PODXL2: variants seen among roughly 807,000 people sequenced by gnomAD.
The protein encoded by PODXL2 is podocalyxin-like protein 2.
In PODXL2, 17 loss-of-function variants were observed where a neutral mutation model predicts 53.4. The observed-to-expected ratio is 0.32, with a 90% CI of 0.22 to 0.48. The LOEUF is 0.48. PODXL2 is among the 20% of genes least tolerant of loss of function. The pLI, the probability that PODXL2 is intolerant of heterozygous loss-of-function variation, is 0.99. For synonymous variants in PODXL2, 311 were observed against 306.7 expected (o/e 1.01, Z -0.15); for missense variants, 673 against 760.0 (o/e 0.89, Z 1.35).
intron 2 of PODXL2, among the ~76,000 whole-genome samples, chr3:127,640,124 C>T (rs1441532052): frequency 1.3e-5 from 2 of 152,164 alleles, no homozygotes; most frequent in African/African-American, 4.8e-5. Context: ...CGAAGAAAGC[C>T]CGAGGCCTAG....
Position 127,671,554 on chromosome 3 carries a change from A to C in PODXL2, c.1546A>C (p.Ile516Leu), listed in dbSNP as rs145241470. The stretch of plus-strand genomic sequence containing the variant: ...CATTGGGGCCATCTGCATCATCATC[A>C]TTGCGCTTGGCCTGCTCTACAACTG... ...VVIGAICIIIIALGLLYNCWQ... is the reference protein window; with the variant it reads ...VVIGAICIIILALGLLYNCWQ... Residue 516 changes from isoleucine to leucine, a missense_variant, in exon 7 of 8, where the codon ATT becomes CTT. Ile to Leu is a conservative substitution (Grantham distance 5). Coordinates refer to ENST00000342480, the MANE Select transcript of PODXL2 (RefSeq NM_015720.4). The C allele has an allele frequency of 7.4e-6, 12 of 1,613,966 alleles. No individual in the cohort carries two copies. The African/African-American group carries it at 9.3e-5, about 13-fold the overall frequency.
intron 4 of PODXL2, among the ~76,000 whole-genome samples, chr3:127,668,101 CGTGTGTGTGTGTGTGTGTGTGTGT>C (rs55716588): frequency 1.4e-5 from 2 of 145,854 alleles, no homozygotes; most frequent in East Asian, 2.1e-4. Context: ...TACATGGCTG[CGTGTGTGTGTGTGTGTGTGTGTGT>C]GTGTGTGTGT....
At position 127,661,156 on chromosome 3, in the gene PODXL2, G is replaced by T. The variant is rs774038430; in HGVS notation, c.1128G>T (p.Thr376=). 69 of 1,612,418 alleles carry T rather than the reference G, an allele frequency of 4.3e-5. No individual in the cohort carries two copies. The South Asian group carries it at 7.6e-4, about 18-fold the overall frequency. ...AATCCAGGATACCCTGGGATTCTACGCAGGTAAAGTGAGGGGCATGCGGGC... is the reference window on the plus strand; with the variant it reads ...AATCCAGGATACCCTGGGATTCTACTCAGGTAAAGTGAGGGGCATGCGGGC... ...EAQSRIPWDS[T]QVICKDWSNL... The change falls in exon 3 of 8, where the codon ACG becomes ACT. Residue 376 remains threonine, a synonymous_variant. Transcript: ENST00000342480.
chr3:127,644,475 T>C (rs1224672100), intron 2 of PODXL2, among the ~76,000 whole-genome samples: 1 of 152,108 alleles, frequency 6.6e-6, no homozygotes, highest in African/African-American at 2.4e-5. Context: ...CCTTTCCCTT[T>C]TGTTGAGACT....
chr3:127,642,291 G>GAAAAAAAAAA lies in PODXL2; in HGVS notation c.349+2776_349+2785dup, dbSNP rs201417926. Among the ~76,000 whole-genome samples the GAAAAAAAAAA allele has an allele frequency of 2.0e-3, 155 of 77,190 alleles. 6 individuals carry two copies. Among genetic ancestry groups the GAAAAAAAAAA allele is most frequent in the Middle Eastern group, 0.011 (1 of 92 alleles). The allele number at this position is 77,190 out of a possible 152,430, so 50.6% of individuals were successfully genotyped here. A position where few individuals can be genotyped will look rare whatever the true frequency, so the allele number is the denominator to read the frequency against. ...GGGGACAGAGCGAGACTCCATCTCA[G>GAAAAAAAAAA]AAAAAAAAAAAAAAAAAGATGTATC... On this transcript the variant is annotated intron_variant, in intron 2 of 7. Transcript: ENST00000342480.
chr3:127,657,196 T>C (rs2074730797), intron 2 of PODXL2, among the ~76,000 whole-genome samples: 1 of 152,196 alleles, frequency 6.6e-6, no homozygotes, highest in Non-Finnish European at 1.5e-5. Flanking sequence ...GTTCTGTTGG[T>C]GCCCTCTGGA....
In PODXL2 at chr3:127,629,865, C is replaced by G. The variant is rs1419454769; in HGVS notation, c.70+576C>G. On this transcript the variant is annotated intron_variant, in intron 1 of 7. Transcript: ENST00000342480. The surrounding 1 kb of genome is among the most constrained non-coding windows in gnomAD (Gnocchi z 6.4). The stretch of plus-strand genomic sequence containing the variant: ...CTGTTCTGGGCGACTCTATTAGGAG[C>G]TGACAAAAACGGGCGTACAGCCACG... Among the ~76,000 whole-genome samples, 1 of 152,102 alleles carries G rather than the reference C, an allele frequency of 6.6e-6. No homozygotes were observed. Among genetic ancestry groups the G allele is most frequent in the Non-Finnish European group, 1.5e-5 (1 of 68,020 alleles).
chr3:127,662,126 C>A, intron 3 of PODXL2, 111 bp from the exon 4 acceptor site: 2 of 831,486 alleles, frequency 2.4e-6, no homozygotes, highest in Admixed American at 1.9e-5. Context: ...TAATACGCCT[C>A]CACTGGCCTC....
In PODXL2 at chr3:127,630,385, C is replaced by A. The variant is rs140452829; in HGVS notation, c.70+1096C>A. ...GCTGTAACTTCACTTCTGATGCACA[C>A]GTCAAAATAGCGTCCTAGTATGATG... is the stretch of plus-strand genomic sequence containing the variant. On this transcript the variant is annotated intron_variant, in intron 1 of 7. Coordinates refer to ENST00000342480, the MANE Select transcript of PODXL2 (RefSeq NM_015720.4). Among the ~76,000 whole-genome samples the A allele has an allele frequency of 3.0e-3, 457 of 152,304 alleles. 1 individual carries two copies. The highest frequency in any genetic ancestry group is 6.8e-3 in the Middle Eastern group (2 of 294).
rs1232261463 is a variant in PODXL2 at position 127,639,508 on chromosome 3, C to T, written c.334C>T (p.Leu112=). The T allele has an allele frequency of 1.9e-6, 3 of 1,612,568 alleles. No individual in the cohort carries two copies. The South Asian group carries it at 3.3e-5, about 18-fold the overall frequency. The change falls in exon 2 of 8, where the codon CTG becomes TTG. Residue 112 remains leucine (L), a synonymous_variant. Transcript: ENST00000342480. The part of the protein sequence containing the change: ...EEELNDSSLD[L]GPTADYVFPD... ...AGAGCTGAATGACTCAAGTCTGGACCTGGGACCCACTGCAGGTAGCTCTTC... is the reference window on the plus strand; with the variant it reads ...AGAGCTGAATGACTCAAGTCTGGACTTGGGACCCACTGCAGGTAGCTCTTC...
chr3:127,666,132 A>T (rs1159828206), intron 4 of PODXL2, among the ~76,000 whole-genome samples: 1 of 152,230 alleles, frequency 6.6e-6, no homozygotes, highest in African/African-American at 2.4e-5. Context: ...CCACTGGATG[A>T]TGTCCTCCTG....
intron 1 of PODXL2, among the ~76,000 whole-genome samples, chr3:127,636,638 A>G (rs2074579808): frequency 6.6e-6 from 1 of 152,204 alleles, no homozygotes. Flanking sequence ...CTGGAAGCAG[A>G]ATCTTTGTCC....
chr3:127,669,240 A>G, intron 6 of PODXL2, 38 bp downstream of exon 6: 2 of 1,379,070 alleles, frequency 1.5e-6, no homozygotes, highest in South Asian at 1.2e-5. Context: ...AGCTTCTAAT[A>G]TGCTCCCTCC....
intron 2 of PODXL2, among the ~76,000 whole-genome samples, chr3:127,656,009 T>A (rs889198837): frequency 1.3e-5 from 2 of 152,214 alleles, no homozygotes; most frequent in African/African-American, 4.8e-5. Context: ...CAGGCCCTGG[T>A]TTTTAGGAGG....
At chr3:127,641,987 T>C (rs2074623717) in intron 2 of PODXL2, among the ~76,000 whole-genome samples, 1 of 144,592 alleles carries the variant, frequency 6.9e-6, no homozygotes, top group Non-Finnish European at 1.5e-5. Flanking sequence ...TAGAATAAAA[T>C]TGATAGGTCA....
At chr3:127,640,084 A>G (rs370231958) in intron 2 of PODXL2, among the ~76,000 whole-genome samples, 1 of 152,202 alleles carries the variant, frequency 6.6e-6, no homozygotes, top group Non-Finnish European at 1.5e-5. Context: ...GTTTGGATCT[A>G]CAGAGCCCAG....
At position 127,662,320 on chromosome 3, in the gene PODXL2, C is replaced by T. The variant is rs1371525576; in HGVS notation, c.1206+9C>T. On this transcript the variant is annotated intron_variant, in intron 4 of 7. Transcript: ENST00000342480. ...CAGAGAACATAGACTGTGTGAGTGC[C>T]CAGCCAGGCTCCGAACCGCAGGGAA... is the stretch of plus-strand genomic sequence containing the variant. 1 of 1,610,964 alleles carries T rather than the reference C, an allele frequency of 6.2e-7. No homozygotes were observed. The highest frequency in any genetic ancestry group is 1.3e-5 in the African/African-American group (1 of 74,840).
At chr3:127,663,195 C>T (rs894187573) in intron 4 of PODXL2, among the ~76,000 whole-genome samples, 14 of 152,194 alleles carry the variant, frequency 9.2e-5, no homozygotes, top group Admixed American at 8.5e-4. Flanking sequence ...AGCAAACTTT[C>T]GACCAGCTCA....
intron 4 of PODXL2, among the ~76,000 whole-genome samples, chr3:127,664,314 G>C (rs1012484646): frequency 6.6e-6 from 1 of 151,860 alleles, no homozygotes; most frequent in Admixed American, 6.6e-5. Flanking sequence ...CCATTTGGTA[G>C]CATGTGGCAG....
Sources: gnomAD v4.1 joint callset for allele counts (sites outside exome capture counted in the v4.1 genomes callset) on GRCh38, gnomAD v4.1.1 for gene constraint, Gnocchi (gnomAD v3.1) non-coding constraint, MANE v1.5 for transcripts, NCBI Gene and HGNC (gene_info 2026-07-23, HGNC 2026-07-21) for gene names.